CROCC2: variants seen among roughly 807,000 people sequenced by gnomAD.
CROCC2 encodes the protein ciliary rootlet coiled-coil, rootletin family member 2.
In CROCC2, 163 loss-of-function variants were observed where a neutral mutation model predicts 177.6. The observed-to-expected ratio is 0.92, with a 90% CI of 0.81 to 1.05. The LOEUF is 1.05. Among genes scored for constraint, CROCC2 ranks in the 50% least tolerant of loss-of-function variants. The pLI is 0.00. For synonymous variants in CROCC2, 904 were observed against 787.3 expected (o/e 1.15, Z -2.48); for missense variants, 1,929 against 1,797.8 (o/e 1.07, Z -1.32).
At position 240,983,885 on chromosome 2, in the gene CROCC2, C is replaced by T. The variant is rs527404031; in HGVS notation, c.4551+856C>T. Reference sequence around the variant, plus strand: ...CCTGACACATCACACACCCCAGAGCCCCAGAGGCCCCTGCTCATGGTGGAG... The same window carrying T: ...CCTGACACATCACACACCCCAGAGCTCCAGAGGCCCCTGCTCATGGTGGAG... On this transcript the variant is annotated intron_variant, in intron 28 of 31. Coordinates refer to ENST00000690015, the MANE Select transcript of CROCC2 (RefSeq NM_001351305.2). Among the ~76,000 whole-genome samples the T allele has an allele frequency of 4.3e-4, 65 of 152,254 alleles. 1 individual carries two copies. The South Asian group carries it at 0.013, about 31-fold the overall frequency.
chr2:240,909,493 T>G (rs908535906), intron 1 of CROCC2, among the ~76,000 whole-genome samples: 1 of 152,222 alleles, frequency 6.6e-6, no homozygotes, highest in Non-Finnish European at 1.5e-5. Flanking sequence ...TGCAGGACAC[T>G]TGCAGCCCTG....
intron 3 of CROCC2, 116 bp from the exon 4 acceptor site, chr2:240,922,423 G>A: frequency 1.7e-6 from 1 of 574,832 alleles, no homozygotes. Flanking sequence ...CCCTGCTGTG[G>A]GGCCCCAGGG....
At chr2:240,952,743 C>G (rs528132961) in intron 18 of CROCC2, among the ~76,000 whole-genome samples, 1 of 152,296 alleles carries the variant, frequency 6.6e-6, no homozygotes, top group East Asian at 1.9e-4. Context: ...GCGCCAGCAT[C>G]AGGTGATAGG....
chr2:240,942,766 C>T (rs2059501688), intron 14 of CROCC2, among the ~76,000 whole-genome samples: 1 of 152,136 alleles, frequency 6.6e-6, no homozygotes, highest in Admixed American at 6.5e-5. Flanking sequence ...TATAACTCTC[C>T]TATGTTCCTA....
chr2:240,952,558 C>T (rs2106471469), intron 18 of CROCC2, among the ~76,000 whole-genome samples: 1 of 152,366 alleles, frequency 6.6e-6, no homozygotes, highest in East Asian at 1.9e-4. Context: ...CCCCACTACT[C>T]ACATCCTTAG....
chr2:240,933,533 C>T (rs1449579481), intron 10 of CROCC2, 137 bp from the exon 11 acceptor site: 4 of 1,159,528 alleles, frequency 3.4e-6, no homozygotes, highest in African/African-American at 1.6e-5. Context: ...CCAGTGAGAC[C>T]CTGTCTGCTT....
intron 12 of CROCC2, 127 bp from the exon 13 acceptor site, chr2:240,934,789 C>T: frequency 1.8e-6 from 2 of 1,098,250 alleles, no homozygotes; most frequent in South Asian, 2.0e-5. Context: ...GGCGACCTTC[C>T]CACCATGTCC....
rs1211018462 is a variant in CROCC2, at chr2:240,933,138, G to A, written c.1259G>A (p.Cys420Tyr). ...CTTACCCCACCCGAGCAGGAGCTGTGCCTGCAGCTGAAGTCCTCCCAGGCA... is the reference window on the plus strand; with the variant it reads ...CTTACCCCACCCGAGCAGGAGCTGTACCTGCAGCTGAAGTCCTCCCAGGCA... Reference protein sequence around the residue: ...ERRWRREQELCLQLKSSQALV... With the variant: ...ERRWRREQELYLQLKSSQALV... The change falls in exon 10 of 32, where the codon TGC (cysteine) becomes TAC (tyrosine). Residue 420 changes from cysteine (C) to tyrosine (Y), a missense_variant. By Grantham distance (194) the Cys-to-Tyr change is radical (BLOSUM62 -2). This residue lies in a region of CROCC2 where 1,397 missense variants were observed against 1,239.9 expected (regional missense o/e 1.13). Coordinates refer to ENST00000690015, the MANE Select transcript of CROCC2 (RefSeq NM_001351305.2). 1.3e-6 allele frequency: 2 copies of A among 1,550,072 alleles called. No individual in the cohort carries two copies. The highest frequency in any genetic ancestry group is 2.7e-5 in the African/African-American group (2 of 73,066).
At chr2:240,934,204 G>A (rs2059452813) in intron 11 of CROCC2, 127 bp from the exon 12 acceptor site, 4 of 1,067,518 alleles carry the variant, frequency 3.7e-6, no homozygotes, top group Middle Eastern at 3.1e-4. Flanking sequence ...GGTCCTCCAG[G>A]GACTCCATGC....
intron 18 of CROCC2, among the ~76,000 whole-genome samples, chr2:240,951,685 A>G (rs1176244063): frequency 6.6e-6 from 1 of 152,142 alleles, no homozygotes; most frequent in Non-Finnish European, 1.5e-5. Context: ...CTGACCATCC[A>G]TCCATCCATC....
At chr2:240,944,288 T>G (rs2059510916) in intron 14 of CROCC2, among the ~76,000 whole-genome samples, 1 of 152,250 alleles carries the variant, frequency 6.6e-6, no homozygotes, top group African/African-American at 2.4e-5. Flanking sequence ...TGTATATATG[T>G]GACATTTTCT....
chr2:240,980,109 A>C (rs2059788338), intron 27 of CROCC2, among the ~76,000 whole-genome samples: 3 of 69,556 alleles, frequency 4.3e-5, no homozygotes, highest in African/African-American at 5.9e-5. Context: ...ATCCCTGCTC[A>C]GTCTCTGGGG....
chr2:240,968,321 C>A, intron 27 of CROCC2, 59 bp downstream of exon 27: 1 of 1,456,670 alleles, frequency 6.9e-7, no homozygotes, highest in Non-Finnish European at 9.1e-7. Context: ...CTCTCGGTCA[C>A]CCTCACACCC....
rs542605708 is a variant in CROCC2, at chr2:240,918,090, A to G, written c.79-636A>G. 6.6e-6 allele frequency among the ~76,000 whole-genome samples: 1 copy of G among 152,160 alleles called. No individual in the cohort carries two copies. Among genetic ancestry groups the G allele is most frequent in the African/African-American group, 2.4e-5 (1 of 41,438 alleles). On this transcript the variant is annotated intron_variant, in intron 1 of 31. Transcript: ENST00000690015. This position sits in a 1 kb window ranked among gnomAD's most constrained non-coding sequence, Gnocchi z 6.3. ...GGCCTTCCTGCCCACTTCTGGGCCT[A>G]TTGGAGCCTCTTCCCTGGCAGTCGG...
chr2:240,992,776 G>C (rs150979705), intron 31 of CROCC2, among the ~76,000 whole-genome samples: 1 of 152,368 alleles, frequency 6.6e-6, no homozygotes, highest in African/African-American at 2.4e-5. Context: ...ATGGTGGGTG[G>C]AGGGGGTCAC....
intron 4 of CROCC2, among the ~76,000 whole-genome samples, chr2:240,923,512 A>C (rs1204493052): frequency 2.3e-5 from 1 of 43,850 alleles, no homozygotes; most frequent in Non-Finnish European, 4.1e-5. Flanking sequence ...CCAGCCCCCA[A>C]CACTAACCCA....
chr2:240,946,380 A>G, intron 15 of CROCC2, 127 bp downstream of exon 15: 1 of 997,786 alleles, frequency 1.0e-6, no homozygotes, highest in Admixed American at 2.9e-5. Flanking sequence ...TGCCCATGAA[A>G]TGGGCTGTGA....
At chr2:240,923,129 C>G (rs1269751345) in intron 4 of CROCC2, among the ~76,000 whole-genome samples, 4 of 152,094 alleles carry the variant, frequency 2.6e-5, no homozygotes, top group Non-Finnish European at 5.9e-5. Flanking sequence ...TGGTGCCAGC[C>G]TTCCACGTGG....
chr2:240,949,516 C>T lies in CROCC2; in HGVS notation c.2483-17C>T, dbSNP rs2106469569. 1 of 1,548,834 alleles carries T rather than the reference C, an allele frequency of 6.5e-7. No homozygotes were observed. Among genetic ancestry groups the T allele is most frequent in the African/African-American group, 1.4e-5 (1 of 73,152 alleles). On this transcript the variant is annotated splice_polypyrimidine_tract_variant and intron_variant, in intron 16 of 31. Transcript: ENST00000690015. The surrounding 1 kb of genome is among the most constrained non-coding windows in gnomAD (Gnocchi z 4.5). ...CCACATGCCAGGCCCTGGTGCATCT[C>T]ACCCATCACCCCACAGTGGAAATGG...
Sources: allele counts gnomAD v4.1 joint callset (sites outside exome capture counted in the v4.1 genomes callset), GRCh38; gene constraint gnomAD v4.1.1; regional missense constraint gnomAD v4.1.1; non-coding constraint Gnocchi (gnomAD v3.1); transcripts MANE v1.5; gene names NCBI Gene and HGNC (gene_info 2026-07-23, HGNC 2026-07-21).